The following ELOVL2 variants were observed in gnomAD, a reference collection of about 807,000 sequenced individuals.
ELOVL2 encodes the protein very long chain fatty acid elongase 2.
A neutral mutation model predicts 37.7 loss-of-function variants in ELOVL2; 38 were observed. The ratio of observed to expected loss-of-function variants is 1.01; its 90% confidence interval spans 0.78 to 1.32. The LOEUF is 1.32. Ranked by LOEUF, ELOVL2 falls within the 40% of genes most tolerant of loss-of-function variation. ELOVL2 has a pLI of 0.00. For missense variants in ELOVL2, 352 were observed against 363.6 expected (o/e 0.97, Z 0.26); for synonymous variants, 115 against 122.3 (o/e 0.94, Z 0.40).
chr6:11,011,928 G>C (rs1458574758), intron 1 of ELOVL2, among the ~76,000 whole-genome samples: 3 of 152,192 alleles, frequency 2.0e-5, no homozygotes, highest in African/African-American at 7.2e-5. Flanking sequence ...GTCCCTGACT[G>C]TGTGTGAGCT....
In ELOVL2 at chr6:10,983,575, G is replaced by A. The variant is rs1006501711; in HGVS notation, c.*206C>T. The A allele has an allele frequency of 6.5e-6, 3 of 464,326 alleles. No homozygotes were observed. Among genetic ancestry groups the A allele is most frequent in the Admixed American group, 4.2e-5 (1 of 23,604 alleles). The allele number at this position is 464,326 out of a possible 1,614,324, so 28.8% of individuals were successfully genotyped here. On this transcript the variant is annotated 3_prime_UTR_variant, in exon 8 of 8. Transcript: ENST00000354666. ...AAGCTGCACCAGTTCTGAGGTCCTC[G>A]GAGGTGAGCATCACCTCAATGCTGA...
chr6:11,003,110 T>G (rs974813814), intron 3 of ELOVL2, among the ~76,000 whole-genome samples: 2 of 152,236 alleles, frequency 1.3e-5, no homozygotes, highest in African/African-American at 4.8e-5. Context: ...TGGTTGGACA[T>G]GCAGGCTGGC....
intron 2 of ELOVL2, among the ~76,000 whole-genome samples, chr6:11,008,769 A>G (rs1436722492): frequency 6.6e-6 from 1 of 152,240 alleles, no homozygotes; most frequent in Non-Finnish European, 1.5e-5. Context: ...AAAAAAACCT[A>G]TGTGAAAGGA....
chr6:10,985,474 G>T (rs1263109960), intron 7 of ELOVL2, among the ~76,000 whole-genome samples: 1 of 72,474 alleles, frequency 1.4e-5, no homozygotes, highest in Non-Finnish European at 2.3e-5. Flanking sequence ...AGGTTTTTAT[G>T]GTTTTAGGTC....
intron 1 of ELOVL2, among the ~76,000 whole-genome samples, chr6:11,043,004 C>A (rs890597813): frequency 3.3e-5 from 5 of 152,108 alleles, no homozygotes; most frequent in African/African-American, 1.2e-4. Flanking sequence ...ACAAAATATG[C>A]AGTACGCTAA....
At chr6:11,037,909 T>C (rs966905214) in intron 1 of ELOVL2, among the ~76,000 whole-genome samples, 4 of 152,232 alleles carry the variant, frequency 2.6e-5, no homozygotes, top group African/African-American at 7.2e-5. Context: ...TCCATATCTA[T>C]CTATCCATCC....
At chr6:11,004,817 A>G (rs1199745019) in intron 3 of ELOVL2, among the ~76,000 whole-genome samples, 1 of 152,210 alleles carries the variant, frequency 6.6e-6, no homozygotes, top group Non-Finnish European at 1.5e-5. Flanking sequence ...TGAAAGGCCC[A>G]TTTGATCTAC....
At chr6:10,989,098 G>A (rs565841253) in intron 7 of ELOVL2, among the ~76,000 whole-genome samples, 1 of 152,202 alleles carries the variant, frequency 6.6e-6, no homozygotes, top group Admixed American at 6.5e-5. Context: ...TTGGTAGCAT[G>A]GTACAAATAC....
chr6:11,021,551 G>A (rs575632432), intron 1 of ELOVL2, among the ~76,000 whole-genome samples: 1 of 152,028 alleles, frequency 6.6e-6, no homozygotes, highest in Non-Finnish European at 1.5e-5. Flanking sequence ...AGAGAACAGA[G>A]ACAAGGAGAA....
At chr6:11,014,281 C>A (rs892592195) in intron 1 of ELOVL2, among the ~76,000 whole-genome samples, 3 of 152,160 alleles carry the variant, frequency 2.0e-5, no homozygotes, top group Non-Finnish European at 4.4e-5. Context: ...GAGTTCGAAA[C>A]CGGTTTGGCC....
At chr6:11,027,470 A>G (rs552106021) in intron 1 of ELOVL2, among the ~76,000 whole-genome samples, 1 of 152,294 alleles carries the variant, frequency 6.6e-6, no homozygotes, top group African/African-American at 2.4e-5. Context: ...TACTGGAAAG[A>G]CTTCTTACTA....
intron 1 of ELOVL2, among the ~76,000 whole-genome samples, chr6:11,037,643 G>A (rs1176809465): frequency 1.3e-5 from 2 of 151,920 alleles, no homozygotes; most frequent in Admixed American, 6.6e-5. Flanking sequence ...TATAGGCAGT[G>A]AGCCCTCAAG....
chr6:11,040,480 T>C lies in ELOVL2; in HGVS notation c.3+3748A>G, dbSNP rs770586858. Among the ~76,000 whole-genome samples, 9 of 152,330 alleles carry C rather than the reference T, an allele frequency of 5.9e-5. No homozygotes were observed. In the East Asian group the frequency reaches 1.3e-3, roughly 23 times the overall value. ...AACAATGGAAAAATCTTTTTCTGCATTGATTACATGTTGAAATATTTGCAT... is the reference window on the plus strand; with the variant it reads ...AACAATGGAAAAATCTTTTTCTGCACTGATTACATGTTGAAATATTTGCAT... On this transcript the variant is annotated intron_variant, in intron 1 of 7. Transcript: ENST00000354666.
chr6:11,038,314 T>A (rs1783046234), intron 1 of ELOVL2, among the ~76,000 whole-genome samples: 1 of 152,090 alleles, frequency 6.6e-6, no homozygotes, highest in Non-Finnish European at 1.5e-5. Context: ...GCCACACATA[T>A]ATGTAAAGTA....
At position 11,044,178 on chromosome 6, in the gene ELOVL2, G is replaced by A. The variant is rs761969783; in HGVS notation, c.3+50C>T. The stretch of plus-strand genomic sequence containing the variant: ...TTTCCCGCCCGGTGCGTGGGTCCAG[G>A]AGAGAAAGAAAGCGCGGCGGTGTCG... On this transcript the variant is annotated intron_variant, in intron 1 of 7. Coordinates refer to ENST00000354666, the MANE Select transcript of ELOVL2 (RefSeq NM_017770.4). This position sits in a 1 kb window ranked among gnomAD's most constrained non-coding sequence, Gnocchi z 5.6. 3.4e-6 allele frequency: 5 copies of A among 1,456,746 alleles called. No individual in the cohort carries two copies. The highest frequency in any genetic ancestry group is 4.5e-6 in the Non-Finnish European group (5 of 1,102,764). 90.2% of individuals were successfully genotyped at this position (1,456,746 alleles called of 1,614,324 possible).
At chr6:11,029,564 C>T (rs939248587) in intron 1 of ELOVL2, among the ~76,000 whole-genome samples, 3 of 152,182 alleles carry the variant, frequency 2.0e-5, no homozygotes, top group Non-Finnish European at 2.9e-5. Context: ...ACAACTCCCA[C>T]TGTATCAGGC....
chr6:11,015,744 G>A (rs992420489), intron 1 of ELOVL2: 1 of 152,156 alleles, frequency 6.6e-6, no homozygotes, highest in Non-Finnish European at 1.5e-5. Context: ...GGAAACAGAA[G>A]AGCCAAGAAG....
intron 1 of ELOVL2, among the ~76,000 whole-genome samples, chr6:11,017,644 A>G (rs1341829671): frequency 1.3e-5 from 2 of 152,208 alleles, no homozygotes; most frequent in African/African-American, 4.8e-5. Context: ...AACTCCTTAC[A>G]TATCTCCCCA....
At chr6:11,014,909 CAA>C (rs1265040705) in intron 1 of ELOVL2, among the ~76,000 whole-genome samples, 5 of 152,158 alleles carry the variant, frequency 3.3e-5, no homozygotes, top group Non-Finnish European at 5.9e-5. Context: ...CACCCCCATG[CAA>C]AGACTTGAAC....
Sources: allele counts gnomAD v4.1 joint callset (sites outside exome capture counted in the v4.1 genomes callset), GRCh38; gene constraint gnomAD v4.1.1; non-coding constraint Gnocchi (gnomAD v3.1); transcripts MANE v1.5; gene names NCBI Gene and HGNC (gene_info 2026-07-23, HGNC 2026-07-21).